The following CHRNB1 variants were observed in gnomAD, a reference collection of about 807,000 sequenced individuals.
CHRNB1 encodes the protein cholinergic receptor nicotinic beta 1 subunit, also known as acetylcholine receptor subunit beta.
A neutral mutation model predicts 53.8 loss-of-function variants in CHRNB1; 47 were observed. The ratio of observed to expected loss-of-function variants is 0.87; its 90% CI spans 0.69 to 1.11. The LOEUF (loss-of-function observed/expected upper bound fraction) is 1.11, where lower values mean the gene tolerates loss of function less well. Among genes scored for constraint, CHRNB1 ranks in the 50% most tolerant of loss-of-function variants. The pLI is 0.00. For missense variants in CHRNB1, 605 were observed against 654.9 expected, an observed-to-expected ratio of 0.92 and a Z score of 0.83; for synonymous variants, 259 against 263.5, an observed-to-expected ratio of 0.98 and a Z score of 0.16.
intron 3 of CHRNB1, chr17:7,446,356 T>C: frequency 1.7e-6 from 1 of 581,218 alleles, no homozygotes; most frequent in African/African-American, 2.0e-5. Flanking sequence ...TGTGTGTGTG[T>C]GTGTGTGTGT....
chr17:7,445,242 G>T lies in CHRNB1; in HGVS notation c.59-28G>T, dbSNP rs756569508. The T allele has an allele frequency of 2.5e-6, 4 of 1,612,300 alleles. No individual in the cohort carries two copies. The Admixed American group carries it at 6.7e-5, about 27-fold the overall frequency. ...GGCCAGCGGTCGTGGCCAGGCACCA[G>T]GGCTGCACTTATTCTCTCCTCCCCC... On this transcript the variant is annotated intron_variant, in intron 1 of 10. Transcript: ENST00000306071. This position sits in a 1 kb window ranked among gnomAD's most constrained non-coding sequence, Gnocchi z 5.7.
rs745640319 is a variant in CHRNB1 at position 7,447,563 on chromosome 17, G to A, written c.523G>A (p.Asp175Asn). 6.2e-6 allele frequency: 10 copies of A among 1,614,078 alleles called. No homozygotes were observed. The Admixed American group carries it at 8.3e-5, about 13-fold the overall frequency. Residue 175 changes from aspartate (D) to asparagine (N), a missense_variant, in exon 6 of 11, where the codon GAC becomes AAC. Transcript: ENST00000306071. ...TATGGTGTTCAGCTCCTACAGCTAC[G>A]ACAGCTCGGAGGTCAGCCTGCAGAC... ...CTMVFSSYSY[D>N]SSEVSLQTGL...
intron 7 of CHRNB1, among the ~76,000 whole-genome samples, chr17:7,449,805 G>A (rs1452111437): frequency 1.3e-5 from 2 of 151,870 alleles, no homozygotes; most frequent in Non-Finnish European, 2.9e-5. Flanking sequence ...AGCACTTTGG[G>A]AGGCCGAGGT....
intron 3 of CHRNB1, chr17:7,446,365 G>C: frequency 1.8e-6 from 1 of 552,914 alleles, no homozygotes; most frequent in Non-Finnish European, 3.2e-6. Context: ...GTGTGTGTGT[G>C]TGTGTGTGAT....
rs886053393 is a variant in CHRNB1 at position 7,447,571 on chromosome 17, G to A, written c.531G>A (p.Ser177=). Residue 177 remains serine, a synonymous_variant, in exon 6 of 11, where the codon TCG becomes TCA. Transcript: ENST00000306071. ...TCAGCTCCTACAGCTACGACAGCTC[G>A]GAGGTCAGCCTGCAGACAGGCCTGG... ...MVFSSYSYDS[S]EVSLQTGLGP... 6.2e-7 allele frequency: 1 copy of A among 1,614,184 alleles called. No homozygotes were observed. Among genetic ancestry groups the A allele is most frequent in the Non-Finnish European group, 8.5e-7 (1 of 1,180,036 alleles).
At chr17:7,453,261 G>T (rs187637198) in intron 7 of CHRNB1, among the ~76,000 whole-genome samples, 1 of 152,162 alleles carries the variant, frequency 6.6e-6, no homozygotes, top group East Asian at 1.9e-4. Flanking sequence ...GGGACTACAG[G>T]CACCCACCAC....
rs781017018 is a variant in CHRNB1, at chr17:7,445,441, A to C, written c.198+32A>C. The C allele has an allele frequency of 6.2e-7, 1 of 1,603,562 alleles. No individual in the cohort carries two copies. ...GCGCGCGGGGGGTGGAGGTCAGGCC[A>C]GCCGACCGGCCGGGGGCGTGGCTTT... On this transcript the variant is annotated intron_variant, in intron 2 of 10. Coordinates refer to ENST00000306071, the MANE Select transcript of CHRNB1 (RefSeq NM_000747.3). The surrounding 1 kb of genome is among the most constrained non-coding windows in gnomAD (Gnocchi z 5.7).
At chr17:7,454,230 C>G (rs961734949) in intron 7 of CHRNB1, 67 bp from the exon 8 acceptor site, 5 of 1,304,320 alleles carry the variant, frequency 3.8e-6, no homozygotes, top group East Asian at 2.3e-5. Flanking sequence ...AACATGGTCA[C>G]TGATTATGCC....
At chr17:7,454,797 T>TTG (rs1311674737) in intron 8 of CHRNB1, among the ~76,000 whole-genome samples, 2 of 97,864 alleles carry the variant, frequency 2.0e-5, no homozygotes, top group East Asian at 6.4e-4. Flanking sequence ...TAAATAGCTT[T>TTG]TTTTTTTTTT....
chr17:7,457,411 A>G lies in CHRNB1; in HGVS notation c.*688A>G, dbSNP rs1157424600. The G allele has an allele frequency of 2.6e-5, 4 of 152,256 alleles. No homozygotes were observed. Among genetic ancestry groups the G allele is most frequent in the Non-Finnish European group, 5.9e-5 (4 of 68,160 alleles). The allele number at this position is 152,256 out of a possible 1,614,324, so 9.4% of individuals were successfully genotyped here. A position where few individuals can be genotyped will look rare whatever the true frequency, so the allele number is the denominator to read the frequency against. ...GTGCTTAACATTTGTTGAATAGGGG[A>G]AAGAAATTTCCGGAAGTAAATACAG... On this transcript the variant is annotated 3_prime_UTR_variant, in exon 11 of 11. Transcript: ENST00000306071.
intron 7 of CHRNB1, among the ~76,000 whole-genome samples, chr17:7,449,770 C>T (rs945793568): frequency 2.0e-5 from 3 of 150,928 alleles, no homozygotes; most frequent in African/African-American, 4.9e-5. Context: ...AGCCACCGGG[C>T]GCGGTGGCTC....
chr17:7,456,762 AGTGAGAGTTTG>A lies in CHRNB1; in HGVS notation c.*44_*54del, dbSNP rs1224712642. The A allele has an allele frequency of 6.2e-7, 1 of 1,613,702 alleles. No individual in the cohort carries two copies. The highest frequency in any genetic ancestry group is 8.5e-7 in the Non-Finnish European group (1 of 1,179,832). On this transcript the variant is annotated 3_prime_UTR_variant, in exon 11 of 11. Transcript: ENST00000306071. The stretch of plus-strand genomic sequence containing the variant: ...GAGACCCAGGCCCCCTGCCAGTTGA[AGTGAGAGTTTG>A]GTGATACTGTCAAGCCCTATCCTTC...
At position 7,445,445 on chromosome 17, in the gene CHRNB1, G is replaced by A. The variant is rs60038135; in HGVS notation, c.198+36G>A. ...GCGGGGGGTGGAGGTCAGGCCAGCC[G>A]ACCGGCCGGGGGCGTGGCTTTAGGC... is the stretch of plus-strand genomic sequence containing the variant. On this transcript the variant is annotated intron_variant, in intron 2 of 10. Coordinates refer to ENST00000306071, the MANE Select transcript of CHRNB1 (RefSeq NM_000747.3). The surrounding 1 kb of genome is among the most constrained non-coding windows in gnomAD (Gnocchi z 5.7). 23 of 1,602,716 alleles carry A rather than the reference G, an allele frequency of 1.4e-5. No homozygotes were observed. In the South Asian group the frequency reaches 2.2e-4, roughly 15 times the overall value.
At chr17:7,454,668 C>T (rs534048413) in intron 8 of CHRNB1, 148 bp downstream of exon 8, 2 of 704,464 alleles carry the variant, frequency 2.8e-6, no homozygotes, top group Non-Finnish European at 5.1e-6. Context: ...TATCATTTCA[C>T]AGATCCCATA....
chr17:7,448,244 G>C (rs960382809), intron 6 of CHRNB1, among the ~76,000 whole-genome samples: 2 of 151,464 alleles, frequency 1.3e-5, no homozygotes, highest in African/African-American at 4.9e-5. Flanking sequence ...AAATTAGCCA[G>C]GTGTGGTGGT....
intron 9 of CHRNB1, 167 bp from the exon 10 acceptor site, chr17:7,455,627 G>T: frequency 8.3e-7 from 1 of 1,211,358 alleles, no homozygotes; most frequent in Non-Finnish European, 1.2e-6. Context: ...AAACAGAGGC[G>T]GTGGAAGAAG....
chr17:7,457,676 A>G lies in CHRNB1; in HGVS notation c.*953A>G, dbSNP rs2069965052. The G allele has an allele frequency of 1.3e-5, 2 of 151,816 alleles. No individual in the cohort carries two copies. The highest frequency in any genetic ancestry group is 2.0e-4 in the East Asian group (1 of 5,114). 9.4% of individuals were successfully genotyped at this position (151,816 alleles called of 1,614,324 possible). Reference sequence around the variant, plus strand: ...TAATTTATTATGTTTTGTAATGTGTACTATCTCTGGGATTAAAAAAAGTTA... The same window carrying G: ...TAATTTATTATGTTTTGTAATGTGTGCTATCTCTGGGATTAAAAAAAGTTA... On this transcript the variant is annotated 3_prime_UTR_variant, in exon 11 of 11. Coordinates refer to ENST00000306071, the MANE Select transcript of CHRNB1 (RefSeq NM_000747.3).
intron 3 of CHRNB1, chr17:7,446,551 G>A: frequency 1.8e-6 from 1 of 549,386 alleles, no homozygotes; most frequent in Non-Finnish European, 3.3e-6. Flanking sequence ...ATCCACTAAA[G>A]GATTGCGAAC....
intron 8 of CHRNB1, 81 bp from the exon 9 acceptor site, chr17:7,455,203 T>C (rs2069936436): frequency 1.3e-6 from 2 of 1,504,738 alleles, no homozygotes; most frequent in Admixed American, 1.7e-5. Flanking sequence ...GGAATGGGCA[T>C]GTGGAGTGGG....
Sources: gnomAD v4.1 joint callset for allele counts (sites outside exome capture counted in the v4.1 genomes callset) on GRCh38, gnomAD v4.1.1 for gene constraint, Gnocchi (gnomAD v3.1) non-coding constraint, MANE v1.5 for transcripts, NCBI Gene and HGNC (gene_info 2026-07-23, HGNC 2026-07-21) for gene names.